Variants in NBEA observed in about 807,000 individuals in gnomAD.
The protein encoded by NBEA is lysosomal-trafficking regulator 2.
A neutral mutation model predicts 343.4 loss-of-function variants in NBEA; 44 were observed. The observed-to-expected ratio is 0.13, with a 90% confidence interval of 0.10 to 0.16. NBEA has a LOEUF of 0.16. NBEA is among the 10% of genes least tolerant of loss of function. The pLI is 1.00. For synonymous variants in NBEA, 1,175 were observed against 1,238.7 expected (o/e 0.95, Z 1.08); for missense variants, 2,555 against 3,631.3 (o/e 0.70, Z 7.62).
At chr13:35,263,924 C>T (rs1566537988) in intron 34 of NBEA, among the ~76,000 whole-genome samples, 2 of 150,100 alleles carry the variant, frequency 1.3e-5, no homozygotes, top group Non-Finnish European at 3.0e-5. Context: ...TAATAAAGAT[C>T]CGAGCAGAAA....
At chr13:35,651,309 G>T (rs1419178444) in intron 52 of NBEA, among the ~76,000 whole-genome samples, 2 of 152,012 alleles carry the variant, frequency 1.3e-5, no homozygotes, top group South Asian at 2.1e-4. Context: ...TGAAAAAAAG[G>T]CCCCATTGGA....
intron 49 of NBEA, among the ~76,000 whole-genome samples, chr13:35,637,304 A>T (rs975414231): frequency 2.0e-5 from 3 of 152,188 alleles, no homozygotes; most frequent in African/African-American, 7.2e-5. Context: ...AGTGTTAGTG[A>T]GGATGTAGAG....
intron 2 of NBEA, among the ~76,000 whole-genome samples, chr13:35,041,731 C>T (rs770256330): frequency 6.6e-6 from 1 of 151,824 alleles, no homozygotes; most frequent in Non-Finnish European, 1.5e-5. Flanking sequence ...TAATGTTTTG[C>T]TTGTTTGGGT....
At chr13:35,654,749 C>A (rs1354609545) in intron 53 of NBEA, 106 bp from the exon 54 acceptor site, 4 of 874,092 alleles carry the variant, frequency 4.6e-6, no homozygotes, top group Admixed American at 3.8e-5. Flanking sequence ...ATTAAAAAAA[C>A]TATTTCTGGA....
intron 18 of NBEA, among the ~76,000 whole-genome samples, chr13:35,153,269 G>A (rs1222979390): frequency 1.3e-5 from 2 of 151,944 alleles, no homozygotes; most frequent in Non-Finnish European, 2.9e-5. Context: ...TCCTGACCTT[G>A]TGATCCACCC....
chr13:35,347,109 A>C (rs2039923257), intron 36 of NBEA, among the ~76,000 whole-genome samples: 1 of 152,236 alleles, frequency 6.6e-6, no homozygotes, highest in East Asian at 1.9e-4. Context: ...TAAACAATAA[A>C]TTAGAAATAT....
chr13:35,290,593 T>A (rs919116126), intron 35 of NBEA, 143 bp downstream of exon 35: 1 of 571,222 alleles, frequency 1.8e-6, no homozygotes, highest in Admixed American at 3.0e-5. Flanking sequence ...AAATAATTTA[T>A]GTTGAGTTTT....
At chr13:35,504,779 T>G (rs775496419) in intron 41 of NBEA, among the ~76,000 whole-genome samples, 1 of 152,018 alleles carries the variant, frequency 6.6e-6, no homozygotes. Context: ...GCTAATTTTC[T>G]TATTTTTTTG....
chr13:35,504,717 T>C (rs2077009433), intron 41 of NBEA, among the ~76,000 whole-genome samples: 1 of 152,108 alleles, frequency 6.6e-6, no homozygotes, highest in Non-Finnish European at 1.5e-5. Flanking sequence ...ACTGTAGCCT[T>C]GACCTCCTGG....
chr13:35,265,424 TA>T (rs1288575631), intron 34 of NBEA, among the ~76,000 whole-genome samples: 3 of 151,188 alleles, frequency 2.0e-5, no homozygotes, highest in African/African-American at 7.3e-5. Flanking sequence ...TAATCTTGAG[TA>T]AAAAAAATTT....
chr13:35,109,583 C>A, intron 12 of NBEA, 141 bp downstream of exon 12: 1 of 692,958 alleles, frequency 1.4e-6, no homozygotes, highest in Non-Finnish European at 2.1e-6. Flanking sequence ...TAGGCAGTAT[C>A]AGGAGATCAA....
chr13:35,190,755 G>A (rs985643176), intron 30 of NBEA, among the ~76,000 whole-genome samples: 7 of 152,182 alleles, frequency 4.6e-5, no homozygotes, highest in South Asian at 4.1e-4. Context: ...GGAAAGTATG[G>A]TCAATACACA....
intron 36 of NBEA, among the ~76,000 whole-genome samples, chr13:35,346,205 T>C (rs1326250257): frequency 6.6e-6 from 1 of 152,096 alleles, no homozygotes; most frequent in African/African-American, 2.4e-5. Flanking sequence ...AGCCAGACCA[T>C]GTACCCTTCC....
intron 21 of NBEA, among the ~76,000 whole-genome samples, chr13:35,158,231 A>G (rs1181999166): frequency 6.6e-6 from 1 of 152,072 alleles, no homozygotes; most frequent in Admixed American, 6.6e-5. Context: ...TCTTTAAAGG[A>G]TGGTCCCCCC....
intron 21 of NBEA, among the ~76,000 whole-genome samples, chr13:35,157,701 TTTTC>T (rs1256864618): frequency 6.6e-6 from 1 of 151,966 alleles, no homozygotes; most frequent in African/African-American, 2.4e-5. Context: ...TTGCTTTATC[TTTTC>T]TTTATTTTTA....
chr13:35,403,178 TAAA>T (rs1254347517), intron 38 of NBEA, among the ~76,000 whole-genome samples: 5 of 151,556 alleles, frequency 3.3e-5, no homozygotes, highest in East Asian at 1.9e-4. Flanking sequence ...AAATAATAAA[TAAA>T]AAATTAATTA....
intron 1 of NBEA, among the ~76,000 whole-genome samples, chr13:35,013,542 C>T (rs943832352): frequency 6.6e-5 from 10 of 151,460 alleles, no homozygotes; most frequent in African/African-American, 2.4e-4. Context: ...ACAATCTTGG[C>T]TCACTGCAAC....
At chr13:35,249,151 C>CAAAAA (rs1179922550) in intron 34 of NBEA, among the ~76,000 whole-genome samples, 3 of 49,664 alleles carry the variant, frequency 6.0e-5, no homozygotes, top group Non-Finnish European at 1.2e-4. Context: ...CTCCATCTTA[C>CAAAAA]AAAAAAAAAA....
At chr13:35,250,925 C>G (rs1474643476) in intron 34 of NBEA, 6 of 152,250 alleles carry the variant, frequency 3.9e-5, no homozygotes, top group African/African-American at 1.4e-4. Flanking sequence ...AAATGCCAAT[C>G]AAGATGATAA....
Sources: gnomAD v4.1 joint callset for allele counts (sites outside exome capture counted in the v4.1 genomes callset) on GRCh38, gnomAD v4.1.1 for gene constraint, MANE v1.5 for transcripts, NCBI Gene and HGNC (gene_info 2026-07-23, HGNC 2026-07-21) for gene names.